PTPRA: variants seen among roughly 807,000 people sequenced by gnomAD.
PTPRA encodes receptor-type tyrosine-protein phosphatase alpha.
In PTPRA, 25 loss-of-function variants were observed where a neutral mutation model predicts 104.8. The ratio of observed to expected loss-of-function variants is 0.24; its 90% CI spans 0.17 to 0.33. PTPRA has a LOEUF of 0.33. Ranked by LOEUF, PTPRA falls within the 10% of genes least tolerant of loss-of-function variation. The probability of loss-of-function intolerance (pLI) is 1.00; values close to 1 mark genes in which losing one functional copy is unlikely to be tolerated. For missense variants in PTPRA, 765 were observed against 1,015.3 expected, an observed-to-expected ratio of 0.75 and a Z score of 3.35; for synonymous variants, 323 against 368.9, an observed-to-expected ratio of 0.88 and a Z score of 1.43.
At chr20:2,963,524 G>T (rs528192970) in intron 3 of PTPRA, among the ~76,000 whole-genome samples, 7 of 151,938 alleles carry the variant, frequency 4.6e-5, no homozygotes, top group Non-Finnish European at 7.4e-5. Context: ...AACCCGGGAG[G>T]CGGAGGTTGC....
intron 1 of PTPRA, among the ~76,000 whole-genome samples, chr20:2,881,821 C>G (rs1261042690): frequency 6.6e-6 from 1 of 152,110 alleles, no homozygotes; most frequent in Non-Finnish European, 1.5e-5. Context: ...GCCAACATGG[C>G]AAAACCCTGT....
chr20:2,866,120 G>T, the PTPRA span: 1 of 1,074,754 alleles, frequency 9.3e-7, no homozygotes. Flanking sequence ...GAATATATAT[G>T]GACGATGTAT....
intron 5 of PTPRA, among the ~76,000 whole-genome samples, chr20:2,967,876 A>G (rs2062004140): frequency 6.6e-6 from 1 of 152,118 alleles, no homozygotes; most frequent in Non-Finnish European, 1.5e-5. Flanking sequence ...AGTTATTGCT[A>G]CTCAATTCTT....
At chr20:2,932,612 A>G (rs62207191) in intron 2 of PTPRA, among the ~76,000 whole-genome samples, 1 of 152,156 alleles carries the variant, frequency 6.6e-6, no homozygotes, top group Non-Finnish European at 1.5e-5. Context: ...GGCTCTATAG[A>G]GGAGAGAGAG....
chr20:2,894,874 C>T (rs892588772), intron 1 of PTPRA, among the ~76,000 whole-genome samples: 2 of 151,498 alleles, frequency 1.3e-5, no homozygotes, highest in South Asian at 4.2e-4. Context: ...GTAGTCCCAG[C>T]TACTCGGGAG....
chr20:2,964,694 G>T (rs1306492485), intron 4 of PTPRA, among the ~76,000 whole-genome samples, 167 bp from the exon 5 acceptor site: 1 of 152,182 alleles, frequency 6.6e-6, no homozygotes, highest in Non-Finnish European at 1.5e-5. Flanking sequence ...AGGTAGGAAA[G>T]GTCCAGCATG....
Position 2,899,864 on chromosome 20 carries a change from T to C in PTPRA, c.-128-23343T>C, listed in dbSNP as rs370317133. Among the ~76,000 whole-genome samples, 18 of 152,252 alleles carry C rather than the reference T, an allele frequency of 1.2e-4. No individual in the cohort carries two copies. In the East Asian group the frequency reaches 1.4e-3, roughly 11 times the overall value. The stretch of plus-strand genomic sequence containing the variant: ...GCTCTTGCCTGTAATCCCAGCACTT[T>C]GGGAGGCCAAGGCAGGTAGATCACT... On this transcript the variant is annotated intron_variant, in intron 1 of 23. Coordinates refer to ENST00000399903, the MANE Select transcript of PTPRA (RefSeq NM_001385305.1).
At chr20:2,922,555 G>A (rs536998658) in intron 1 of PTPRA, among the ~76,000 whole-genome samples, 11 of 152,136 alleles carry the variant, frequency 7.2e-5, no homozygotes, top group Non-Finnish European at 1.5e-4. Context: ...GGCCAGGCTG[G>A]TCTCGAACTC....
At chr20:2,948,818 G>A (rs979309283) in intron 3 of PTPRA, among the ~76,000 whole-genome samples, 9 of 152,086 alleles carry the variant, frequency 5.9e-5, no homozygotes, top group East Asian at 1.9e-4. Flanking sequence ...TGGGCGTGGT[G>A]GCGGGCACCT....
intron 6 of PTPRA, among the ~76,000 whole-genome samples, chr20:2,979,043 G>C (rs1200315951): frequency 6.6e-6 from 1 of 152,070 alleles, no homozygotes; most frequent in Non-Finnish European, 1.5e-5. Flanking sequence ...AAAGGTGGAG[G>C]GTGCTATTAT....
chr20:2,961,225 A>G (rs980277356), intron 3 of PTPRA, among the ~76,000 whole-genome samples: 1 of 152,178 alleles, frequency 6.6e-6, no homozygotes, highest in African/African-American at 2.4e-5. Flanking sequence ...TCCAAAGTGG[A>G]TGTACCATTT....
At chr20:2,875,622 G>GTGA (rs1344380296) in intron 1 of PTPRA, among the ~76,000 whole-genome samples, 1 of 152,162 alleles carries the variant, frequency 6.6e-6, no homozygotes, top group Non-Finnish European at 1.5e-5. Context: ...CTATAAGATT[G>GTGA]TGATAATAAT....
chr20:2,933,887 C>A (rs757576406), intron 2 of PTPRA, among the ~76,000 whole-genome samples: 3 of 151,992 alleles, frequency 2.0e-5, no homozygotes, highest in African/African-American at 7.3e-5. Flanking sequence ...TTAAATATTT[C>A]TTTTTAATAT....
intron 13 of PTPRA, among the ~76,000 whole-genome samples, chr20:3,019,233 C>G (rs9679800): frequency 2.2e-5 from 3 of 136,776 alleles, no homozygotes; most frequent in South Asian, 2.3e-4. Flanking sequence ...CCGGACGGGG[C>G]GGCTGGCCGG....
At chr20:2,889,158 C>A (rs1242023777) in intron 1 of PTPRA, among the ~76,000 whole-genome samples, 2 of 152,144 alleles carry the variant, frequency 1.3e-5, no homozygotes, top group East Asian at 3.8e-4. Flanking sequence ...TTTAAATTAA[C>A]ATGTATTAAA....
At chr20:2,996,416 G>C (rs1429050057) in intron 9 of PTPRA, among the ~76,000 whole-genome samples, 3 of 152,222 alleles carry the variant, frequency 2.0e-5, no homozygotes, top group African/African-American at 7.2e-5. Context: ...AAACCAATTT[G>C]TGTCTACTGT....
intron 1 of PTPRA, among the ~76,000 whole-genome samples, chr20:2,905,690 C>CTTTTTTTTTTTTTTTT (rs11479039): frequency 7.1e-5 from 5 of 70,634 alleles, no homozygotes; most frequent in Middle Eastern, 9.8e-3. Context: ...TCATAAAATT[C>CTTTTTTTTTTTTTTTT]TTTTTTTTTT....
intron 3 of PTPRA, among the ~76,000 whole-genome samples, chr20:2,951,173 T>C (rs1260466551): frequency 6.6e-6 from 1 of 152,086 alleles, no homozygotes; most frequent in Non-Finnish European, 1.5e-5. Context: ...GATCTCGGCT[T>C]ACTGCCAGCT....
chr20:2,988,075 C>G lies in PTPRA; in HGVS notation c.571C>G (p.Arg191Gly), dbSNP rs143825958. The G allele has an allele frequency of 3.1e-6, 5 of 1,591,248 alleles. No individual in the cohort carries two copies. The East Asian group carries it at 8.9e-5, about 28-fold the overall frequency. The change falls in exon 8 of 24, where the codon CGC becomes GGC. Residue 191 changes from arginine (R) to glycine (G), a missense_variant. Arg to Gly is a moderately radical substitution (Grantham distance 125, BLOSUM62 -2). Transcript: ENST00000399903. ...AGCTGGGAGCCATTCCAATTCTTTC[C>G]GCTTATCCAACGGCCGCACTGAGGA... ...KQAGSHSNSF[R>G]LSNGRTEDVE...
Sources: allele counts gnomAD v4.1 joint callset (sites outside exome capture counted in the v4.1 genomes callset), GRCh38; gene constraint gnomAD v4.1.1; transcripts MANE v1.5; gene names NCBI Gene and HGNC (gene_info 2026-07-23, HGNC 2026-07-21).